LRRC4C: variants seen among roughly 807,000 people sequenced by gnomAD.
LRRC4C encodes the protein leucine-rich repeat-containing protein 4C.
Under a neutral mutation model 33.6 loss-of-function variants are expected in LRRC4C, and 5 were observed. That is an observed-to-expected ratio of 0.15 (90% CI 0.08 to 0.31). LRRC4C has a LOEUF of 0.31. Among genes scored for constraint, LRRC4C ranks in the 10% least tolerant of loss-of-function variants. The pLI, the probability that LRRC4C is intolerant of heterozygous loss-of-function variation, is 1.00. For missense variants in LRRC4C, 560 were observed against 796.7 expected (o/e 0.70, Z 3.58); for synonymous variants, 329 against 302.0 (o/e 1.09, Z -0.93).
At chr11:41,111,301 T>A (rs764418418) in intron 1 of LRRC4C, among the ~76,000 whole-genome samples, 1 of 152,054 alleles carries the variant, frequency 6.6e-6, no homozygotes, top group Non-Finnish European at 1.5e-5. Context: ...AAGCTCATCA[T>A]TACCTGTCTC....
chr11:41,347,734 G>A lies in LRRC4C; in HGVS notation c.-496+111697C>T, dbSNP rs117680461. ...GTGTTGCATAAAGTTGCCCCAGGCA[G>A]CCAATGTGGTGAGCAGTGAGAGTTT... is the stretch of plus-strand genomic sequence containing the variant. On this transcript the variant is annotated intron_variant, in intron 1 of 6. Transcript: ENST00000528697. 8.6e-3 allele frequency among the ~76,000 whole-genome samples: 1,314 copies of A among 152,266 alleles called. 8 individuals are homozygous for A. The highest frequency in any genetic ancestry group is 0.012 in the Non-Finnish European group (788 of 68,016).
intron 1 of LRRC4C, among the ~76,000 whole-genome samples, chr11:41,032,431 A>T (rs991810829): frequency 6.6e-6 from 1 of 152,054 alleles, no homozygotes; most frequent in Non-Finnish European, 1.5e-5. Context: ...ACAGAGAAGG[A>T]TTTGATAAAA....
intron 1 of LRRC4C, among the ~76,000 whole-genome samples, chr11:41,378,441 T>G (rs2137861022): frequency 6.6e-6 from 1 of 152,286 alleles, no homozygotes; most frequent in East Asian, 1.9e-4. Context: ...TAAGGGTTTC[T>G]CCTTTAGAAA....
At chr11:40,250,336 A>G (rs1866687534) in intron 4 of LRRC4C, among the ~76,000 whole-genome samples, 1 of 152,284 alleles carries the variant, frequency 6.6e-6, no homozygotes, top group South Asian at 2.1e-4. Flanking sequence ...ATCTTTGTCT[A>G]TAGATATGAT....
chr11:40,721,034 A>G (rs971261298), intron 2 of LRRC4C, among the ~76,000 whole-genome samples: 3 of 152,210 alleles, frequency 2.0e-5, no homozygotes, highest in East Asian at 3.9e-4. Flanking sequence ...TATACTTACT[A>G]TTAGTAAAGA....
intron 1 of LRRC4C, among the ~76,000 whole-genome samples, chr11:41,119,349 G>A (rs1206204302): frequency 2.0e-5 from 3 of 152,190 alleles, no homozygotes; most frequent in South Asian, 2.1e-4. Context: ...CACACAGCTA[G>A]TGAGTGGAGA....
At chr11:40,352,114 C>T (rs7945098) in intron 3 of LRRC4C, among the ~76,000 whole-genome samples, 952 of 8,400 alleles carry the variant, frequency 0.11, 14 homozygotes, top group South Asian at 0.17. Flanking sequence ...TTTCTTTCTT[C>T]CTTCCTTCCT....
rs1208136771 is a variant in LRRC4C at position 40,319,657 on chromosome 11, T to A, written c.-205A>T. On this transcript the variant is annotated 5_prime_UTR_variant, in exon 4 of 7. Coordinates refer to ENST00000528697, the MANE Select transcript of LRRC4C (RefSeq NM_001258419.2). ...GTAAAATTTCTCCAACAGGTATTGA[T>A]CTTCCTGAGAAAACTCAAAGAAGTT... The A allele has an allele frequency of 6.6e-6, 1 of 152,222 alleles. No homozygotes were observed. Among genetic ancestry groups the A allele is most frequent in the Non-Finnish European group, 1.5e-5 (1 of 68,046 alleles). The allele number at this position is 152,222 out of a possible 1,614,324, so 9.4% of individuals were successfully genotyped here. A position where few individuals can be genotyped will look rare whatever the true frequency, so the allele number is the denominator to read the frequency against.
intron 1 of LRRC4C, among the ~76,000 whole-genome samples, chr11:41,039,095 AT>A (rs893679451): frequency 4.6e-5 from 7 of 151,970 alleles, no homozygotes; most frequent in Admixed American, 3.3e-4. Context: ...AATCCTTCTT[AT>A]TTTTTTGTAT....
chr11:40,423,813 A>G (rs1332453213), intron 3 of LRRC4C, among the ~76,000 whole-genome samples: 1 of 152,204 alleles, frequency 6.6e-6, no homozygotes, highest in Non-Finnish European at 1.5e-5. Context: ...TTAAGCAAAA[A>G]TTAGTAAAAA....
intron 2 of LRRC4C, among the ~76,000 whole-genome samples, chr11:40,807,484 C>A (rs1402419048): frequency 7.5e-6 from 1 of 133,302 alleles, no homozygotes; most frequent in Non-Finnish European, 1.5e-5. Context: ...TTTACTCCAA[C>A]ATTGACCTTG....
At chr11:40,572,380 A>C (rs1343668641) in intron 3 of LRRC4C, among the ~76,000 whole-genome samples, 1 of 152,208 alleles carries the variant, frequency 6.6e-6, no homozygotes. Context: ...CAAGCATCAG[A>C]GAGATTTAAT....
intron 5 of LRRC4C, among the ~76,000 whole-genome samples, chr11:40,239,755 T>C (rs183051360): frequency 5.5e-4 from 84 of 152,306 alleles, no homozygotes; most frequent in African/African-American, 2.0e-3. Flanking sequence ...CACTTAATAA[T>C]AAACCCAGAA....
intron 2 of LRRC4C, among the ~76,000 whole-genome samples, chr11:40,807,548 A>G (rs1951308579): frequency 1.3e-5 from 2 of 152,224 alleles, no homozygotes; most frequent in South Asian, 4.1e-4. Flanking sequence ...GACAGAACAG[A>G]AGCCTTGAAG....
At chr11:41,253,397 C>A (rs567811272) in intron 1 of LRRC4C, among the ~76,000 whole-genome samples, 177 of 152,176 alleles carry the variant, frequency 1.2e-3, no homozygotes, top group African/African-American at 4.1e-3. Flanking sequence ...AGTATTTAAA[C>A]CTGTACTTCT....
intron 1 of LRRC4C, among the ~76,000 whole-genome samples, chr11:41,224,382 C>T (rs1186164938): frequency 1.3e-5 from 2 of 152,048 alleles, no homozygotes; most frequent in Non-Finnish European, 2.9e-5. Context: ...CTTCTTGATG[C>T]AATTTATTAG....
At chr11:40,825,005 C>G (rs1159079388) in intron 2 of LRRC4C, among the ~76,000 whole-genome samples, 1 of 151,930 alleles carries the variant, frequency 6.6e-6, no homozygotes, top group Non-Finnish European at 1.5e-5. Flanking sequence ...GCATTTCAAG[C>G]TGAAAGAGAA....
At chr11:40,829,802 G>A (rs1450624264) in intron 2 of LRRC4C, among the ~76,000 whole-genome samples, 1 of 151,980 alleles carries the variant, frequency 6.6e-6, no homozygotes, top group African/African-American at 2.4e-5. Flanking sequence ...TGCTGGAGCT[G>A]TAAAACTAAA....
intron 4 of LRRC4C, among the ~76,000 whole-genome samples, chr11:40,250,334 C>T (rs1866687070): frequency 6.6e-6 from 1 of 152,140 alleles, no homozygotes; most frequent in African/African-American, 2.4e-5. Context: ...TAATCTTTGT[C>T]TATAGATATG....
Sources: allele counts gnomAD v4.1 joint callset (sites outside exome capture counted in the v4.1 genomes callset), GRCh38; gene constraint gnomAD v4.1.1; transcripts MANE v1.5; gene names NCBI Gene and HGNC (gene_info 2026-07-23, HGNC 2026-07-21).